Variants in ADGRG6 observed in about 807,000 individuals in gnomAD.
ADGRG6 encodes the protein G-protein coupled receptor 126.
In ADGRG6, 84 loss-of-function variants were observed where a neutral mutation model predicts 142.4. The observed-to-expected ratio is 0.59, with a 90% CI of 0.49 to 0.71. The LOEUF (loss-of-function observed/expected upper bound fraction) is 0.71, where lower values mean the gene tolerates loss of function less well. Among genes scored for constraint, ADGRG6 ranks in the 30% least tolerant of loss-of-function variants. The pLI is 0.00. For synonymous variants in ADGRG6, 521 were observed against 520.5 expected (o/e 1.00, Z -0.01); for missense variants, 1,367 against 1,466.6 (o/e 0.93, Z 1.11).
chr6:142,393,460 A>G (rs1365605694), intron 8 of ADGRG6, among the ~76,000 whole-genome samples: 1 of 152,002 alleles, frequency 6.6e-6, no homozygotes, highest in Non-Finnish European at 1.5e-5. Context: ...ATCCTCCACT[A>G]TCTTCAGCAA....
chr6:142,429,135 A>T (rs898468499), intron 22 of ADGRG6, among the ~76,000 whole-genome samples: 2 of 152,216 alleles, frequency 1.3e-5, no homozygotes, highest in African/African-American at 4.8e-5. Context: ...AAATGAGTAG[A>T]GGATAGTTTA....
At chr6:142,413,721 C>T (rs965692627) in intron 18 of ADGRG6, among the ~76,000 whole-genome samples, 8 of 152,106 alleles carry the variant, frequency 5.3e-5, no homozygotes, top group African/African-American at 7.2e-5. Flanking sequence ...CTGGGTGCCC[C>T]GTGTTCTCCC....
chr6:142,358,865 G>A (rs542532038), intron 2 of ADGRG6, among the ~76,000 whole-genome samples: 1 of 151,814 alleles, frequency 6.6e-6, no homozygotes, highest in South Asian at 2.1e-4. Flanking sequence ...CCGAGATCAT[G>A]CAAGCCTGGG....
Position 142,392,978 on chromosome 6 carries a change from A to G in ADGRG6, c.1339A>G (p.Thr447Ala). Residue 447 changes from threonine to alanine, a missense_variant, in exon 8 of 25, where the codon ACG becomes GCG. Around this residue, in one of 3 missense-constraint regions of ADGRG6, gnomAD observed 737 missense variants for 746.5 expected, o/e 0.99. Coordinates refer to ENST00000367609, the MANE Select transcript of ADGRG6 (RefSeq NM_198569.3). ...LNSTFQNWNY[T>A]VYVVNISFHL... ...TTCAACCTTCCAAAATTGGAACTAC[A>G]CGGTTTATGTCGTTAATATCAGGTA... 1 of 1,592,440 alleles carries G rather than the reference A, an allele frequency of 6.3e-7. No individual in the cohort carries two copies. The highest frequency in any genetic ancestry group is 8.6e-7 in the Non-Finnish European group (1 of 1,160,914).
intron 1 of ADGRG6, among the ~76,000 whole-genome samples, chr6:142,305,010 C>A (rs1049180413): frequency 3.3e-5 from 5 of 151,728 alleles, no homozygotes; most frequent in African/African-American, 9.7e-5. Context: ...TAAAACAGAG[C>A]AAATATGACA....
At chr6:142,371,053 G>T in intron 4 of ADGRG6, 1 of 397,678 alleles carries the variant, frequency 2.5e-6, no homozygotes, top group Non-Finnish European at 4.5e-6. Flanking sequence ...TTTTCCCTAT[G>T]TCATAAAATA....
chr6:142,304,228 G>C (rs1777371253), intron 1 of ADGRG6, among the ~76,000 whole-genome samples: 1 of 152,090 alleles, frequency 6.6e-6, no homozygotes. Context: ...ATAGATTCAA[G>C]TTCAGAAACT....
intron 2 of ADGRG6, among the ~76,000 whole-genome samples, chr6:142,365,328 C>A (rs993002611): frequency 2.0e-5 from 3 of 152,178 alleles, no homozygotes; most frequent in African/African-American, 7.2e-5. Flanking sequence ...TGCATGGAGT[C>A]TTTCTTTAAT....
intron 6 of ADGRG6, among the ~76,000 whole-genome samples, chr6:142,385,706 A>G (rs1162838697): frequency 1.3e-5 from 2 of 152,174 alleles, no homozygotes; most frequent in Non-Finnish European, 2.9e-5. Context: ...TATCTTTTTA[A>G]AAAGGAAGAC....
chr6:142,442,160 G>A (rs1777783536), intron 24 of ADGRG6, among the ~76,000 whole-genome samples: 1 of 152,124 alleles, frequency 6.6e-6, no homozygotes, highest in Non-Finnish European at 1.5e-5. Flanking sequence ...AAAAAGCATT[G>A]GAGTGAAGAT....
chr6:142,344,422 G>A (rs966728136), intron 2 of ADGRG6, among the ~76,000 whole-genome samples: 1 of 151,866 alleles, frequency 6.6e-6, no homozygotes, highest in African/African-American at 2.4e-5. Flanking sequence ...CTACTTTGTT[G>A]TAAATGTTCA....
At chr6:142,422,270 C>G (rs1183261300) in intron 22 of ADGRG6, among the ~76,000 whole-genome samples, 1 of 151,878 alleles carries the variant, frequency 6.6e-6, no homozygotes, top group African/African-American at 2.4e-5. Flanking sequence ...CCCACAAACT[C>G]GTCATCTAGC....
intron 2 of ADGRG6, among the ~76,000 whole-genome samples, chr6:142,328,092 T>C (rs960948491): frequency 6.6e-6 from 1 of 152,178 alleles, no homozygotes; most frequent in African/African-American, 2.4e-5. Flanking sequence ...TTCAGACTCT[T>C]AGTCCTTAGT....
chr6:142,431,547 C>G (rs1777208146), intron 22 of ADGRG6, among the ~76,000 whole-genome samples: 1 of 152,096 alleles, frequency 6.6e-6, no homozygotes, highest in Non-Finnish European at 1.5e-5. Flanking sequence ...TTGTCCTGGT[C>G]CCAGTCACAT....
rs867429882 is a variant in ADGRG6 at position 142,317,832 on chromosome 6, T to C, written c.103+8188T>C. Among the ~76,000 whole-genome samples the C allele has an allele frequency of 3.3e-3, 279 of 85,414 alleles. 2 individuals are homozygous for C. The highest frequency in any genetic ancestry group is 5.2e-3 in the Admixed American group (25 of 4,814). 56.0% of individuals were successfully genotyped at this position (85,414 alleles called of 152,430 possible). On this transcript the variant is annotated intron_variant, in intron 2 of 24. Coordinates refer to ENST00000367609, the MANE Select transcript of ADGRG6 (RefSeq NM_198569.3). Reference sequence around the variant, plus strand: ...TATTTATATATATTAATTTATATTATATATATTTATATATAATATATATTT... The same window carrying C: ...TATTTATATATATTAATTTATATTACATATATTTATATATAATATATATTT...
At chr6:142,306,110 T>A (rs942604473) in intron 1 of ADGRG6, among the ~76,000 whole-genome samples, 1 of 152,348 alleles carries the variant, frequency 6.6e-6, no homozygotes, top group African/African-American at 2.4e-5. Flanking sequence ...CAGTTATTTC[T>A]GACAGTTGCT....
intron 8 of ADGRG6, among the ~76,000 whole-genome samples, chr6:142,393,675 C>T (rs1241676358): frequency 6.6e-6 from 1 of 152,132 alleles, no homozygotes; most frequent in East Asian, 1.9e-4. Context: ...ATCAGAACGT[C>T]TCAGTTTCTT....
intron 22 of ADGRG6, among the ~76,000 whole-genome samples, chr6:142,434,832 T>C (rs1484243871): frequency 6.6e-6 from 1 of 152,126 alleles, no homozygotes. Context: ...AGAATCAGCC[T>C]AGTCATTTTA....
In ADGRG6 at chr6:142,385,494, T is replaced by G. The variant is rs745549326; in HGVS notation, c.1222+1651T>G. 3.3e-5 allele frequency among the ~76,000 whole-genome samples: 5 copies of G among 152,092 alleles called. No individual in the cohort carries two copies. In the East Asian group the frequency reaches 9.6e-4, roughly 29 times the overall value. ...TGAACCACCTATACTATTTACTATG[T>G]TTTTTTTCCTAAATTGACTCACTTT... On this transcript the variant is annotated intron_variant, in intron 6 of 24. Coordinates refer to ENST00000367609, the MANE Select transcript of ADGRG6 (RefSeq NM_198569.3).
Sources: allele counts gnomAD v4.1 joint callset (sites outside exome capture counted in the v4.1 genomes callset), GRCh38; gene constraint gnomAD v4.1.1; regional missense constraint gnomAD v4.1.1; transcripts MANE v1.5; gene names NCBI Gene and HGNC (gene_info 2026-07-23, HGNC 2026-07-21).